Variants in FANCD2OS observed in about 807,000 individuals in gnomAD.
The protein encoded by FANCD2OS is FANCD2 opposite strand protein.
A neutral mutation model predicts 13.2 loss-of-function variants in FANCD2OS; 11 were observed. The observed-to-expected ratio is 0.83, with a 90% confidence interval of 0.52 to 1.38. FANCD2OS has a LOEUF of 1.38. FANCD2OS is among the 40% of genes most tolerant of loss of function. The pLI is 0.00. For synonymous variants in FANCD2OS, 69 were observed against 84.5 expected (o/e 0.82, Z 1.01); for missense variants, 217 against 213.9 (o/e 1.01, Z -0.09).
chr3:10,088,150 C>T (rs1694346323), intron 2 of FANCD2OS, among the ~76,000 whole-genome samples: 1 of 152,186 alleles, frequency 6.6e-6, no homozygotes, highest in African/African-American at 2.4e-5. Flanking sequence ...CTTCCCACTG[C>T]CCAGCAGCAT....
chr3:10,092,331 C>A (rs139789014), intron 2 of FANCD2OS: 4 of 1,064,366 alleles, frequency 3.8e-6, no homozygotes. Context: ...ATGGACTTTC[C>A]TTGCTCCTCT....
chr3:10,104,590 G>T lies in FANCD2OS; in HGVS notation c.185C>A (p.Pro62Gln), dbSNP rs190289139. 1.1e-3 allele frequency: 1,734 copies of T among 1,614,148 alleles called. 11 individuals carry two copies. In the Admixed American group the frequency reaches 0.015, roughly 14 times the overall value. ...GGGACTCACTCCAGATTCCAGGAAT[G>T]GGCTGTCTAGGACTAGAGTGACCTC... ...FQEVTLVLDS[P>Q]FLESGVSPKL... The change falls in exon 2 of 2, where the codon CCA becomes CAA. Residue 62 changes from proline (P) to glutamine (Q), a missense_variant. Pro to Gln is a moderately conservative substitution (Grantham distance 76). Transcript: ENST00000450660.
At chr3:10,096,583 T>G (rs1575870451) in intron 2 of FANCD2OS, 1 of 988,014 alleles carries the variant, frequency 1.0e-6, no homozygotes, top group East Asian at 2.4e-5. Flanking sequence ...AAGGCTACTT[T>G]TCTCTTAAGT....
downstream of FANCD2OS, chr3:10,101,321 T>C: frequency 7.7e-7 from 1 of 1,303,938 alleles, no homozygotes; most frequent in South Asian, 1.2e-5. Flanking sequence ...CATTTTGTGT[T>C]AGAGTTTGAA....
In FANCD2OS at chr3:10,104,197, C is replaced by T. The variant is rs1312024034; in HGVS notation, c.*44G>A. 5 of 1,520,542 alleles carry T rather than the reference C, an allele frequency of 3.3e-6. No individual in the cohort carries two copies. The highest frequency in any genetic ancestry group is 4.4e-6 in the Non-Finnish European group (5 of 1,125,832). 94.2% of individuals were successfully genotyped at this position (1,520,542 alleles called of 1,614,324 possible). A position where few individuals can be genotyped will look rare whatever the true frequency, so the allele number is the denominator to read the frequency against. On this transcript the variant is annotated 3_prime_UTR_variant, in exon 2 of 2. Transcript: ENST00000450660. ...GGTTTCTGTAAGCTTTAGGTACATA[C>T]CAAAGGGCATGGTGTGAGTAAATGG...
At chr3:10,093,225 A>C in intron 2 of FANCD2OS, 1 of 1,332,772 alleles carries the variant, frequency 7.5e-7, no homozygotes, top group Admixed American at 1.7e-5. Flanking sequence ...AGCGGGAAAG[A>C]GGCTGGAGTG....
intron 2 of FANCD2OS, chr3:10,081,572 G>A: frequency 1.2e-6 from 1 of 831,434 alleles, no homozygotes; most frequent in Non-Finnish European, 2.1e-6. Context: ...AAAATCTTAT[G>A]TGAATATGGT....
chr3:10,105,223 A>G (rs1695437164), intron 1 of FANCD2OS, among the ~76,000 whole-genome samples: 1 of 152,210 alleles, frequency 6.6e-6, no homozygotes, highest in Non-Finnish European at 1.5e-5. Context: ...TGCTATGTGT[A>G]CTAAAACTTT....
At chr3:10,105,772 T>TTA (rs574690780) in intron 1 of FANCD2OS, among the ~76,000 whole-genome samples, 481 of 22,558 alleles carry the variant, frequency 0.021, 12 homozygotes, top group Middle Eastern at 0.033. Flanking sequence ...AAAAAAAAAA[T>TTA]TATATATATA....
chr3:10,101,108 G>A, downstream of FANCD2OS: 2 of 1,043,616 alleles, frequency 1.9e-6, no homozygotes, highest in Non-Finnish European at 3.0e-6. Flanking sequence ...GTACAGTTGT[G>A]TATCCTCTAG....
chr3:10,082,415 G>C (rs1213845548), intron 2 of FANCD2OS, among the ~76,000 whole-genome samples: 1 of 152,104 alleles, frequency 6.6e-6, no homozygotes, highest in East Asian at 1.9e-4. Context: ...CAGTAAGAGT[G>C]ATCTTCCTAA....
downstream of FANCD2OS, among the ~76,000 whole-genome samples, chr3:10,098,352 G>A (rs183529940): frequency 1.3e-5 from 2 of 152,056 alleles, no homozygotes; most frequent in African/African-American, 2.4e-5. Flanking sequence ...TTTAGCCTCC[G>A]CATGGCCATT....
chr3:10,087,064 T>C, intron 2 of FANCD2OS: 5 of 1,558,178 alleles, frequency 3.2e-6, no homozygotes, highest in Non-Finnish European at 4.4e-6. Flanking sequence ...GGGCACGTCA[T>C]GTGGATTTAA....
chr3:10,082,556 C>G (rs1484324061), intron 2 of FANCD2OS, among the ~76,000 whole-genome samples: 1 of 152,154 alleles, frequency 6.6e-6, no homozygotes, highest in Non-Finnish European at 1.5e-5. Context: ...ATGTTATACT[C>G]TGCCTCCAGC....
chr3:10,089,090 A>C, intron 2 of FANCD2OS: 2 of 927,866 alleles, frequency 2.2e-6, no homozygotes, highest in Non-Finnish European at 3.4e-6. Flanking sequence ...TTTGAGACCC[A>C]CTTGGCCAAC....
chr3:10,095,235 G>A lies in FANCD2OS; in HGVS notation c.*43+8963C>T, dbSNP rs1694883609. ...TGAGCTTACTGGAAACCTTCCAGTT[G>A]GACACAAGGCTGCTTCATCACCTGT... On this transcript the variant is annotated intron_variant, in intron 2 of 2. Coordinates refer to the FANCD2OS transcript ENST00000524279. The A allele has an allele frequency of 1.9e-6, 3 of 1,614,146 alleles. No homozygotes were observed. The East Asian group carries it at 6.7e-5, about 36-fold the overall frequency.
chr3:10,082,009 C>T (rs1442834641), intron 2 of FANCD2OS, among the ~76,000 whole-genome samples: 2 of 152,198 alleles, frequency 1.3e-5, no homozygotes, highest in Non-Finnish European at 2.9e-5. Context: ...CCTACCCAAG[C>T]TTAAATTTAG....
chr3:10,086,595 C>T (rs1267684533), intron 2 of FANCD2OS, among the ~76,000 whole-genome samples: 1 of 152,106 alleles, frequency 6.6e-6, no homozygotes, highest in African/African-American at 2.4e-5. Context: ...GATTGTACTG[C>T]CTCAGCCTCC....
chr3:10,089,853 T>G (rs1694477755), intron 2 of FANCD2OS, among the ~76,000 whole-genome samples: 1 of 152,234 alleles, frequency 6.6e-6, no homozygotes. Flanking sequence ...AATAGTTATC[T>G]TAACATTTGT....
Sources: allele counts gnomAD v4.1 joint callset (sites outside exome capture counted in the v4.1 genomes callset), GRCh38; gene constraint gnomAD v4.1.1; transcripts MANE v1.5; gene names NCBI Gene and HGNC (gene_info 2026-07-23, HGNC 2026-07-21).